The following LMLN variants were observed in gnomAD, a reference collection of about 807,000 sequenced individuals.
LMLN encodes the protein leishmanolysin like peptidase.
A neutral mutation model predicts 92.3 loss-of-function variants in LMLN; 70 were observed. That is an observed-to-expected ratio of 0.76 (90% CI 0.63 to 0.92). The LOEUF is 0.92. Among genes scored for constraint, LMLN ranks in the 40% least tolerant of loss-of-function variants. The pLI is 0.00. For missense variants in LMLN, 691 were observed against 814.6 expected (o/e 0.85, Z 1.85); for synonymous variants, 308 against 296.2 (o/e 1.04, Z -0.41).
At chr3:198,004,662 CATCT>C (rs1487694512) in intron 11 of LMLN, among the ~76,000 whole-genome samples, 18 of 21,258 alleles carry the variant, frequency 8.5e-4, no homozygotes, top group African/African-American at 2.9e-3. Flanking sequence ...GTAAGTTTGA[CATCT>C]ATCTATATAT....
intron 1 of LMLN, among the ~76,000 whole-genome samples, chr3:197,972,116 GGGTGAT>G: frequency 6.6e-6 from 1 of 151,370 alleles, no homozygotes; most frequent in Non-Finnish European, 1.5e-5. Context: ...CCAGGCTGTA[GGGTGAT>G]GGTGCAGTCT....
chr3:197,991,134 G>A (rs1721855804), intron 9 of LMLN, among the ~76,000 whole-genome samples: 1 of 143,180 alleles, frequency 7.0e-6, no homozygotes, highest in African/African-American at 2.7e-5. Flanking sequence ...TTTGATACAG[G>A]GTCTCACTCT....
At chr3:198,003,337 A>G (rs1722226041) in intron 11 of LMLN, among the ~76,000 whole-genome samples, 1 of 152,218 alleles carries the variant, frequency 6.6e-6, no homozygotes, top group Non-Finnish European at 1.5e-5. Context: ...TCCACAGTGA[A>G]GGGCCCACAG....
At chr3:198,023,917 T>C (rs1480250170) in intron 13 of LMLN, among the ~76,000 whole-genome samples, 1 of 152,214 alleles carries the variant, frequency 6.6e-6, no homozygotes, top group Non-Finnish European at 1.5e-5. Context: ...TGGCACAAGT[T>C]GAAGATATAA....
At chr3:198,000,920 T>A (rs530019376) in intron 11 of LMLN, among the ~76,000 whole-genome samples, 1 of 99,232 alleles carries the variant, frequency 1.0e-5, no homozygotes, top group Non-Finnish European at 1.8e-5. Flanking sequence ...TTTTTATTAT[T>A]TTTTTTTATT....
At chr3:197,968,524 A>T (rs527838691) in intron 1 of LMLN, among the ~76,000 whole-genome samples, 8 of 152,238 alleles carry the variant, frequency 5.3e-5, no homozygotes, top group Non-Finnish European at 1.0e-4. Flanking sequence ...AAATCTTCAC[A>T]ATTTATGTTC....
intron 6 of LMLN, among the ~76,000 whole-genome samples, chr3:197,982,852 T>C (rs1446718636): frequency 6.6e-6 from 1 of 152,226 alleles, no homozygotes; most frequent in African/African-American, 2.4e-5. Flanking sequence ...AACCTGAACA[T>C]TGATAGGCTG....
intron 5 of LMLN, among the ~76,000 whole-genome samples, chr3:197,979,589 A>C (rs377459419): frequency 3.7e-4 from 57 of 152,266 alleles, no homozygotes; most frequent in African/African-American, 1.3e-3. Context: ...AGGCCGAGAC[A>C]GGCCGATCAC....
chr3:198,003,627 CATT>C (rs1042865400), intron 11 of LMLN, among the ~76,000 whole-genome samples: 18 of 103,104 alleles, frequency 1.7e-4, no homozygotes, highest in African/African-American at 1.0e-3. Flanking sequence ...GTAAGTTTGA[CATT>C]ATCTATATAT....
At chr3:197,974,519 A>G in intron 2 of LMLN, 45 bp downstream of exon 2, 1 of 1,024,964 alleles carries the variant, frequency 9.8e-7, no homozygotes, top group Non-Finnish European at 1.4e-6. Flanking sequence ...ATTAATCTAA[A>G]TGTTAAAGAT....
Position 198,036,043 on chromosome 3 carries a change from G to GGTGA in LMLN, c.1867+4_1867+7dup, listed in dbSNP as rs1560159276. ...TAACCTGACCCGAGCTCTGCCACTT[G>GGTGA]GTGAGTGCTCTCTATGGTTGGAATA... On this transcript the variant is annotated frameshift_variant and splice_region_variant. Transcript: ENST00000330198. LOFTEE classifies it high-confidence loss of function. 6.2e-7 allele frequency: 1 copy of GGTGA among 1,612,210 alleles called. No homozygotes were observed. Among genetic ancestry groups the GGTGA allele is most frequent in the East Asian group, 2.2e-5 (1 of 44,872 alleles).
At chr3:198,018,905 C>T (rs1047695414) in intron 11 of LMLN, among the ~76,000 whole-genome samples, 12 of 152,160 alleles carry the variant, frequency 7.9e-5, no homozygotes, top group Admixed American at 5.2e-4. Flanking sequence ...TGATAATTTA[C>T]ATGCCCTTTT....
chr3:198,024,406 G>A (rs1309265714), intron 13 of LMLN, among the ~76,000 whole-genome samples: 1 of 151,934 alleles, frequency 6.6e-6, no homozygotes, highest in Non-Finnish European at 1.5e-5. Context: ...TAATAGAGAC[G>A]GGGTTTCACC....
intron 6 of LMLN, among the ~76,000 whole-genome samples, chr3:197,983,499 C>T (rs1400447473): frequency 6.6e-6 from 1 of 152,106 alleles, no homozygotes; most frequent in East Asian, 1.9e-4. Context: ...AAGGGAATAG[C>T]AAACAGATAA....
chr3:198,012,762 C>T (rs1299870426), intron 11 of LMLN, among the ~76,000 whole-genome samples: 3 of 150,504 alleles, frequency 2.0e-5, no homozygotes, highest in African/African-American at 7.4e-5. Flanking sequence ...TTCTCTGTAC[C>T]TTTCAGAGCC....
rs1469599597 is a variant in LMLN, at chr3:197,973,371, A to G, written c.220-1006A>G. 2.0e-5 allele frequency among the ~76,000 whole-genome samples: 3 copies of G among 151,974 alleles called. No homozygotes were observed. In the East Asian group the frequency reaches 5.8e-4, roughly 29 times the overall value. ...ATTCTCCTGCCTCACCCTCCCAAGT[A>G]GCTGGGACTACAGGCGCCTGCCACC... On this transcript the variant is annotated intron_variant, in intron 1 of 15. Coordinates refer to ENST00000330198, the Ensembl canonical transcript of LMLN.
intron 10 of LMLN, among the ~76,000 whole-genome samples, chr3:197,997,652 T>C (rs1163817832): frequency 6.6e-6 from 1 of 152,208 alleles, no homozygotes; most frequent in Non-Finnish European, 1.5e-5. Context: ...CTTAGTATAC[T>C]TGGTGTTTAG....
intron 14 of LMLN, among the ~76,000 whole-genome samples, chr3:198,027,353 C>CT (rs1214321963): frequency 2.0e-5 from 3 of 151,442 alleles, no homozygotes; most frequent in South Asian, 2.1e-4. Context: ...GATCACTGGG[C>CT]TTTTTTTTCT....
intron 11 of LMLN, among the ~76,000 whole-genome samples, chr3:198,013,482 C>G (rs370784550): frequency 1.4e-5 from 2 of 139,278 alleles, no homozygotes; most frequent in African/African-American, 5.9e-5. Flanking sequence ...AGCCCCCTAA[C>G]TAGTCTGACT....
Sources: allele counts gnomAD v4.1 joint callset (sites outside exome capture counted in the v4.1 genomes callset), GRCh38; gene constraint gnomAD v4.1.1; transcripts MANE v1.5; gene names NCBI Gene and HGNC (gene_info 2026-07-23, HGNC 2026-07-21).